Variants in CCDC170 observed in about 807,000 individuals in gnomAD.
The protein encoded by CCDC170 is coiled-coil domain-containing protein 170.
In CCDC170, 69 loss-of-function variants were observed where a neutral mutation model predicts 72.6. The ratio of observed to expected loss-of-function variants is 0.95; its 90% CI spans 0.78 to 1.16. CCDC170 has a LOEUF of 1.16. Ranked by LOEUF, CCDC170 falls within the 50% of genes most tolerant of loss-of-function variation. CCDC170 has a pLI of 0.00. For missense variants in CCDC170, 852 were observed against 832.5 expected (o/e 1.02, Z -0.29); for synonymous variants, 300 against 303.9 (o/e 0.99, Z 0.13).
At chr6:151,526,414 G>T in intron 1 of CCDC170, among the ~76,000 whole-genome samples, 1 of 151,362 alleles carries the variant, frequency 6.6e-6, no homozygotes, top group East Asian at 1.9e-4. Flanking sequence ...TAGAGATGGG[G>T]TTTCACCATG....
chr6:151,615,292 T>C, intron 9 of CCDC170, 151 bp from the exon 10 acceptor site: 1 of 682,730 alleles, frequency 1.5e-6, no homozygotes, highest in Non-Finnish European at 2.6e-6. Flanking sequence ...GCACATATGC[T>C]TAGCAAAATC....
At chr6:151,575,605 C>T (rs1315759976) in intron 6 of CCDC170, among the ~76,000 whole-genome samples, 1 of 133,986 alleles carries the variant, frequency 7.5e-6, no homozygotes, top group Admixed American at 8.1e-5. Context: ...ACTCGGCTCA[C>T]TGCAATCTCC....
rs75492751 is a variant in CCDC170 at position 151,539,803 on chromosome 6, G to A, written c.443+1502G>A. ...ATGTGTCCAAAACGGAGCTCCCAGT[G>A]TTCCCACAAAATCCTTCTGTACTTT... On this transcript the variant is annotated intron_variant, in intron 3 of 10. Transcript: ENST00000239374. 4.5e-3 allele frequency among the ~76,000 whole-genome samples: 678 copies of A among 152,280 alleles called. 7 individuals are homozygous for A. Among genetic ancestry groups the A allele is most frequent in the African/African-American group, 0.015 (617 of 41,558 alleles).
At chr6:151,607,357 T>A (rs1015461522) in intron 9 of CCDC170, among the ~76,000 whole-genome samples, 5 of 152,202 alleles carry the variant, frequency 3.3e-5, no homozygotes, top group African/African-American at 1.2e-4. Flanking sequence ...TATCATTTGT[T>A]CCTTTTTTCC....
rs150332555 is a variant in CCDC170 at position 151,499,525 on chromosome 6, G to A, written c.57+5340G>A. On this transcript the variant is annotated intron_variant, in intron 1 of 10. Transcript: ENST00000239374. ...GTATAAGTGGAATCAGACTGTATTTGACTATTCTAGGCATGCTGTATAAGT... is the reference window on the plus strand; with the variant it reads ...GTATAAGTGGAATCAGACTGTATTTAACTATTCTAGGCATGCTGTATAAGT... Among the ~76,000 whole-genome samples the A allele has an allele frequency of 4.6e-4, 55 of 120,154 alleles. 2 individuals are homozygous for A. The highest frequency in any genetic ancestry group is 1.3e-3 in the South Asian group (5 of 3,794). The allele number at this position is 120,154 out of a possible 152,430, so 78.8% of individuals were successfully genotyped here.
chr6:151,587,288 A>G (rs79797664), intron 7 of CCDC170, among the ~76,000 whole-genome samples: 2,673 of 152,178 alleles, frequency 0.018, 41 homozygotes, highest in East Asian at 0.049. Flanking sequence ...GGAGAGCAAA[A>G]GCCAGTTTGT....
chr6:151,538,571 A>G (rs1452409240), intron 3 of CCDC170, among the ~76,000 whole-genome samples: 1 of 152,186 alleles, frequency 6.6e-6, no homozygotes, highest in African/African-American at 2.4e-5. Context: ...TTATTTACAC[A>G]ATTTCGAAGA....
chr6:151,620,176 G>C lies in CCDC170; in HGVS notation c.*2029G>C, dbSNP rs1249128154. The C allele has an allele frequency of 1.0e-5, 1 of 95,652 alleles. No homozygotes were observed. The highest frequency in any genetic ancestry group is 2.0e-5 in the Non-Finnish European group (1 of 49,052). The allele number at this position is 95,652 out of a possible 1,614,324, so 5.9% of individuals were successfully genotyped here. On this transcript the variant is annotated 3_prime_UTR_variant, in exon 11 of 11. Coordinates refer to ENST00000239374, the MANE Select transcript of CCDC170 (RefSeq NM_025059.4). ...TTTAGGAAAACTACCAATAAATGTA[G>C]AATGGATGATTCCAAAAAAAAAAAA...
rs1777054570 is a variant in CCDC170 at position 151,621,108 on chromosome 6, TA to T, written c.*2962del. On this transcript the variant is annotated 3_prime_UTR_variant, in exon 11 of 11. Transcript: ENST00000239374. Reference sequence around the variant, plus strand: ...GGGAACAATAAATTCTGTACATGTATACAGTCCATATACACATTAAGTGTTT... The same window carrying T: ...GGGAACAATAAATTCTGTACATGTATCAGTCCATATACACATTAAGTGTTT... The T allele has an allele frequency of 6.6e-6, 1 of 152,246 alleles. No homozygotes were observed. The highest frequency in any genetic ancestry group is 2.4e-5 in the African/African-American group (1 of 41,466). The allele number at this position is 152,246 out of a possible 1,614,324, so 9.4% of individuals were successfully genotyped here. A position where few individuals can be genotyped will look rare whatever the true frequency, so the allele number is the denominator to read the frequency against.
chr6:151,536,595 T>C (rs1488879852), intron 2 of CCDC170, 149 bp downstream of exon 2: 41 of 802,162 alleles, frequency 5.1e-5, no homozygotes, highest in Non-Finnish European at 7.5e-5. Context: ...GCCAACGTAG[T>C]GAAACTCTGT....
At chr6:151,512,945 A>G (rs1471975315) in intron 1 of CCDC170, among the ~76,000 whole-genome samples, 1 of 152,228 alleles carries the variant, frequency 6.6e-6, no homozygotes, top group Non-Finnish European at 1.5e-5. Context: ...CCTATGGTAC[A>G]TAATTGGTGG....
At chr6:151,598,290 G>T (rs1175817654) in intron 9 of CCDC170, among the ~76,000 whole-genome samples, 1 of 152,208 alleles carries the variant, frequency 6.6e-6, no homozygotes, top group Non-Finnish European at 1.5e-5. Context: ...CTGGCTGGAA[G>T]AGGCTGCAAA....
chr6:151,568,485 T>C (rs915119519), intron 5 of CCDC170, among the ~76,000 whole-genome samples: 23 of 152,216 alleles, frequency 1.5e-4, no homozygotes, highest in Non-Finnish European at 2.9e-4. Context: ...CACTGTTGAC[T>C]CAACACTTTA....
At chr6:151,539,506 C>G (rs1782647811) in intron 3 of CCDC170, among the ~76,000 whole-genome samples, 1 of 152,144 alleles carries the variant, frequency 6.6e-6, no homozygotes, top group African/African-American at 2.4e-5. Context: ...CTAATCTTAC[C>G]TTGCTAGCTA....
At chr6:151,528,694 C>T (rs4870029) in intron 1 of CCDC170, among the ~76,000 whole-genome samples, 121,092 of 151,688 alleles carry the variant, frequency 0.8, 48,587 homozygotes, top group East Asian at 0.92. Context: ...AAAAATTAGC[C>T]AAATGTGGTG....
intron 1 of CCDC170, among the ~76,000 whole-genome samples, chr6:151,527,220 A>G (rs1206209285): frequency 6.6e-6 from 1 of 152,032 alleles, no homozygotes; most frequent in East Asian, 1.9e-4. Flanking sequence ...TTTTAACTGA[A>G]TAAGAGTAAC....
chr6:151,573,058 T>C, intron 5 of CCDC170, 116 bp from the exon 6 acceptor site: 1 of 885,988 alleles, frequency 1.1e-6, no homozygotes, highest in South Asian at 1.7e-5. Context: ...GAAGGAGTAA[T>C]TAACCCAACC....
rs1041967471 is a variant in CCDC170, at chr6:151,501,242, G to A, written c.57+7057G>A. ...ATATGTTGACCAGGACTCTTCAAAA[G>A]TGTCAAGGTCAGGATTTGGGGAGAC... On this transcript the variant is annotated intron_variant, in intron 1 of 10. Transcript: ENST00000239374. 6.6e-5 allele frequency among the ~76,000 whole-genome samples: 10 copies of A among 152,176 alleles called. 1 individual carries two copies. In the South Asian group the frequency reaches 2.1e-3, roughly 32 times the overall value.
At chr6:151,577,696 G>A (rs527513018) in intron 6 of CCDC170, among the ~76,000 whole-genome samples, 27 of 152,298 alleles carry the variant, frequency 1.8e-4, no homozygotes, top group Admixed American at 9.8e-4. Flanking sequence ...CCAGTGCCTG[G>A]CCTAGTAGGA....
Sources: gnomAD v4.1 joint callset for allele counts (sites outside exome capture counted in the v4.1 genomes callset) on GRCh38, gnomAD v4.1.1 for gene constraint, MANE v1.5 for transcripts, NCBI Gene and HGNC (gene_info 2026-07-23, HGNC 2026-07-21) for gene names.